Variants in SH3PXD2A observed in about 807,000 individuals in gnomAD.
SH3PXD2A encodes SH3 and PX domains 2A.
Under a neutral mutation model 115.2 loss-of-function variants are expected in SH3PXD2A, and 32 were observed. That is an observed-to-expected ratio of 0.28 (90% CI 0.21 to 0.37). The LOEUF (loss-of-function observed/expected upper bound fraction) is 0.37, where lower values mean the gene tolerates loss of function less well. SH3PXD2A is among the 10% of genes least tolerant of loss of function. The pLI is 1.00. For missense variants in SH3PXD2A, 1,328 were observed against 1,498.7 expected, an observed-to-expected ratio of 0.89 and a Z score of 1.88; for synonymous variants, 610 against 629.1, an observed-to-expected ratio of 0.97 and a Z score of 0.45.
chr10:103,807,252 A>T (rs1318638622), intron 1 of SH3PXD2A, among the ~76,000 whole-genome samples: 1 of 152,068 alleles, frequency 6.6e-6, no homozygotes, highest in African/African-American at 2.4e-5. Context: ...AAGGCCTAGG[A>T]CCCGCCTTGT....
chr10:103,614,226 C>G (rs889780622), intron 11 of SH3PXD2A, among the ~76,000 whole-genome samples: 1 of 152,010 alleles, frequency 6.6e-6, no homozygotes, highest in Non-Finnish European at 1.5e-5. Context: ...CTGCACTCCA[C>G]TCTGGGAGAC....
At chr10:103,676,371 G>A (rs2134094750) in intron 6 of SH3PXD2A, among the ~76,000 whole-genome samples, 1 of 152,310 alleles carries the variant, frequency 6.6e-6, no homozygotes, top group East Asian at 1.9e-4. Flanking sequence ...GGGGGATGGG[G>A]TGCAGTGGGG....
intron 3 of SH3PXD2A, among the ~76,000 whole-genome samples, chr10:103,765,298 C>A (rs1410388666): frequency 6.6e-6 from 1 of 152,184 alleles, no homozygotes; most frequent in African/African-American, 2.4e-5. Flanking sequence ...CCAGGCCCCC[C>A]TCGTTCAGGA....
intron 5 of SH3PXD2A, among the ~76,000 whole-genome samples, chr10:103,713,810 G>C (rs559430266): frequency 6.6e-5 from 10 of 152,240 alleles, no homozygotes; most frequent in Admixed American, 5.2e-4. Context: ...CACAGCAGGT[G>C]GGGGAGGAGC....
chr10:103,694,511 A>G (rs997584459), intron 5 of SH3PXD2A, among the ~76,000 whole-genome samples: 3 of 147,688 alleles, frequency 2.0e-5, no homozygotes, highest in African/African-American at 7.6e-5. Flanking sequence ...AAAACTTAGA[A>G]CCCACTTAAT....
rs2038419927 is a variant in SH3PXD2A, at chr10:103,739,507, T to C, written c.230-3699A>G. On this transcript the variant is annotated intron_variant, in intron 3 of 14. Coordinates refer to ENST00000369774, the MANE Select transcript of SH3PXD2A (RefSeq NM_001394015.1). Reference sequence around the variant, plus strand: ...GAAGGGATTCTCCGGTCTTGACTTCTCTGTTAGGAATCCAAACCACACTCT... The same window carrying C: ...GAAGGGATTCTCCGGTCTTGACTTCCCTGTTAGGAATCCAAACCACACTCT... Among the ~76,000 whole-genome samples, 3 of 152,114 alleles carry C rather than the reference T, an allele frequency of 2.0e-5. No homozygotes were observed. The South Asian group carries it at 6.2e-4, about 31-fold the overall frequency.
intron 8 of SH3PXD2A, among the ~76,000 whole-genome samples, chr10:103,631,497 G>C (rs1179614402): frequency 3.3e-5 from 5 of 152,154 alleles, no homozygotes; most frequent in African/African-American, 1.2e-4. Flanking sequence ...TACTGTATCT[G>C]GAGCTGGGTT....
At chr10:103,829,435 G>GA (rs2039464387) in intron 1 of SH3PXD2A, among the ~76,000 whole-genome samples, 1 of 152,240 alleles carries the variant, frequency 6.6e-6, no homozygotes, top group African/African-American at 2.4e-5. Flanking sequence ...GTGAGGGTAA[G>GA]AAGGTAATGC....
intron 6 of SH3PXD2A, among the ~76,000 whole-genome samples, chr10:103,685,816 C>T (rs535845461): frequency 7.2e-5 from 11 of 152,344 alleles, no homozygotes; most frequent in Admixed American, 3.3e-4. Context: ...CCAGAGTCCA[C>T]GTTTTTAACT....
chr10:103,801,405 A>C, intron 1 of SH3PXD2A, 43 bp from the exon 2 acceptor site: 2 of 1,262,968 alleles, frequency 1.6e-6, no homozygotes, highest in Non-Finnish European at 2.3e-6. Flanking sequence ...GCTGGATTTC[A>C]AGCTGTCTGT....
At chr10:103,719,337 G>C (rs1564872418) in intron 5 of SH3PXD2A, among the ~76,000 whole-genome samples, 1 of 152,230 alleles carries the variant, frequency 6.6e-6, no homozygotes, top group African/African-American at 2.4e-5. Flanking sequence ...CGTAGGTCTG[G>C]GGCCAGCCAG....
chr10:103,823,537 T>C (rs759809133), intron 1 of SH3PXD2A, among the ~76,000 whole-genome samples: 2 of 152,218 alleles, frequency 1.3e-5, no homozygotes, highest in Non-Finnish European at 2.9e-5. Flanking sequence ...GAGACAGCCA[T>C]ACATCATTAA....
At chr10:103,649,044 C>T (rs918593118) in intron 8 of SH3PXD2A, among the ~76,000 whole-genome samples, 4 of 152,278 alleles carry the variant, frequency 2.6e-5, no homozygotes, top group African/African-American at 7.2e-5. Flanking sequence ...CATTTGGCTG[C>T]GGGGAAGAGC....
At chr10:103,621,263 GCCAAGGCTTGAGCTGCGTC>G (rs1564846326) in intron 10 of SH3PXD2A, among the ~76,000 whole-genome samples, 1 of 152,162 alleles carries the variant, frequency 6.6e-6, no homozygotes, top group Non-Finnish European at 1.5e-5. Context: ...CTCCTTTGCC[GCCAAGGCTTGAGCTGCGTC>G]CCAGCTTTAG....
In SH3PXD2A at chr10:103,611,493, C is replaced by A. The variant is rs1268390473; in HGVS notation, c.1308+88G>T. 8 of 1,229,074 alleles carry A rather than the reference C, an allele frequency of 6.5e-6. No individual in the cohort carries two copies. The Admixed American group carries it at 6.7e-5, about 10-fold the overall frequency. 76.1% of individuals were successfully genotyped at this position (1,229,074 alleles called of 1,614,324 possible). On this transcript the variant is annotated intron_variant, in intron 13 of 14. Coordinates refer to ENST00000369774, the MANE Select transcript of SH3PXD2A (RefSeq NM_001394015.1). Reference sequence around the variant, plus strand: ...TCTGGAAAACCCCTGGATCAAGAGGCTCTGCCGCAAGATAGCCAATTGATC... The same window carrying A: ...TCTGGAAAACCCCTGGATCAAGAGGATCTGCCGCAAGATAGCCAATTGATC...
chr10:103,685,495 C>T (rs2037666292), intron 6 of SH3PXD2A, among the ~76,000 whole-genome samples: 1 of 152,162 alleles, frequency 6.6e-6, no homozygotes. Context: ...GGACACCCCA[C>T]CTTCCCCCTG....
chr10:103,602,928 G>T lies in SH3PXD2A; in HGVS notation c.2290C>A (p.Arg764=), dbSNP rs765825254. 2 of 1,614,088 alleles carry T rather than the reference G, an allele frequency of 1.2e-6. No homozygotes were observed. Among genetic ancestry groups the T allele is most frequent in the Non-Finnish European group, 1.7e-6 (2 of 1,180,044 alleles). ...TTCTCTTGGCTCTGCGACTCTGCTCGGTTTAGGAATGGCTTGGGCCGGACC... is the reference window on the plus strand; with the variant it reads ...TTCTCTTGGCTCTGCGACTCTGCTCTGTTTAGGAATGGCTTGGGCCGGACC... ...PSVRPKPFLN[R]AESQSQEKMD... Residue 764 remains arginine (R), a synonymous_variant, in exon 15 of 15, where the codon CGA becomes AGA. Transcript: ENST00000369774.
At chr10:103,719,743 T>C (rs1390387852) in intron 5 of SH3PXD2A, among the ~76,000 whole-genome samples, 2 of 130,786 alleles carry the variant, frequency 1.5e-5, no homozygotes, top group Non-Finnish European at 3.1e-5. Context: ...TTTTTTGAGA[T>C]GGAGTCTTGC....
At chr10:103,815,445 G>A (rs1201522331) in intron 1 of SH3PXD2A, among the ~76,000 whole-genome samples, 2 of 147,750 alleles carry the variant, frequency 1.4e-5, no homozygotes, top group Admixed American at 6.8e-5. Flanking sequence ...CACATATACA[G>A]TGTATAATAT....
Sources: gnomAD v4.1 joint callset for allele counts (sites outside exome capture counted in the v4.1 genomes callset) on GRCh38, gnomAD v4.1.1 for gene constraint, MANE v1.5 for transcripts, NCBI Gene and HGNC (gene_info 2026-07-23, HGNC 2026-07-21) for gene names.